The following C12orf76 variants were observed in gnomAD, a reference collection of about 807,000 sequenced individuals.
C12orf76 encodes the protein uncharacterized protein C12orf76.
In C12orf76, 6 loss-of-function variants were observed where a neutral mutation model predicts 6.8. The observed-to-expected ratio is 0.88, with a 90% confidence interval of 0.48 to 1.73. C12orf76 has a LOEUF of 1.73. Ranked by LOEUF, C12orf76 falls within the 40% of genes most tolerant of loss-of-function variation. C12orf76 has a pLI of 0.01. For missense variants in C12orf76, 99 were observed against 98.2 expected (o/e 1.01, Z -0.03); for synonymous variants, 56 against 43.7 (o/e 1.28, Z -1.11).
chr12:110,049,217 A>G (rs776514750), upstream of C12orf76: 2 of 152,212 alleles, frequency 1.3e-5, no homozygotes, highest in Non-Finnish European at 2.9e-5. Flanking sequence ...TTTAAGAAGA[A>G]ACAACAAGGA....
chr12:110,059,127 G>A, exon 3 of C12orf76: 1 of 1,549,290 alleles, frequency 6.5e-7, no homozygotes, highest in South Asian at 1.2e-5. Context: ...ATGGTAAATG[G>A]AATTATTTTT....
At chr12:110,073,396 T>C (rs748034209) in intron 1 of C12orf76, 1 of 517,222 alleles carries the variant, frequency 1.9e-6, no homozygotes, top group Non-Finnish European at 3.9e-6. Flanking sequence ...TGCAGAGATC[T>C]GGGGTCCTCC....
chr12:110,064,091 T>C (rs569422516), intron 2 of C12orf76, among the ~76,000 whole-genome samples: 2 of 152,116 alleles, frequency 1.3e-5, no homozygotes, highest in South Asian at 4.2e-4. Flanking sequence ...CCTCATTCCA[T>C]AGGGGAGCTA....
At chr12:110,046,202 C>T (rs1252584656) in intron 1 of C12orf76, among the ~76,000 whole-genome samples, 2 of 151,946 alleles carry the variant, frequency 1.3e-5, no homozygotes, top group Non-Finnish European at 2.9e-5. Context: ...CCACAGTGGG[C>T]AGTTCATGAG....
intron 4 of C12orf76, chr12:110,056,787 TA>T (rs1892675944): frequency 5.4e-6 from 1 of 184,324 alleles, no homozygotes; most frequent in Non-Finnish European, 1.1e-5. Flanking sequence ...GATGGTTTTA[TA>T]AGAGGTTTCC....
chr12:110,052,297 C>T (rs10849686), upstream of C12orf76, among the ~76,000 whole-genome samples: 42,984 of 151,378 alleles, frequency 0.28, 9,299 homozygotes, highest in African/African-American at 0.61. Context: ...CAGCTCAAGT[C>T]GATCCTCCCA....
At position 110,042,453 on chromosome 12, in the gene C12orf76, A is replaced by G; in HGVS notation, c.140T>C (p.Met47Thr). ...CAGCAGGATGCTGAAAATGGTTCCC[A>G]TCAACACTGCAAAGGGAAAACAGGT... Reference protein sequence around the residue: ...AVLRGQNLVLMGTIFSILLVT... With the variant: ...AVLRGQNLVLTGTIFSILLVT... Residue 47 changes from methionine to threonine, a missense_variant, in exon 2 of 2, where the codon ATG becomes ACG. Coordinates refer to ENST00000615315, the MANE Select transcript of C12orf76 (RefSeq NM_001389625.1). 1 of 1,611,004 alleles carries G rather than the reference A, an allele frequency of 6.2e-7. No homozygotes were observed. The highest frequency in any genetic ancestry group is 8.5e-7 in the Non-Finnish European group (1 of 1,177,102).
chr12:110,059,859 G>A (rs1362394997), intron 2 of C12orf76, among the ~76,000 whole-genome samples: 1 of 152,154 alleles, frequency 6.6e-6, no homozygotes, highest in Non-Finnish European at 1.5e-5. Context: ...GCAAAACTAA[G>A]CAAAGGTGAA....
upstream of C12orf76, among the ~76,000 whole-genome samples, chr12:110,071,665 G>GTCA (rs900619327): frequency 4.6e-5 from 7 of 152,016 alleles, no homozygotes; most frequent in Admixed American, 6.6e-5. Context: ...AGTATAGGTT[G>GTCA]TCATCATCAT....
upstream of C12orf76, among the ~76,000 whole-genome samples, chr12:110,052,099 T>C (rs1275661785): frequency 2.7e-5 from 4 of 150,414 alleles, no homozygotes; most frequent in South Asian, 8.4e-4. Flanking sequence ...GGTTTCACCG[T>C]ATTGGCTATG....
upstream of C12orf76, among the ~76,000 whole-genome samples, chr12:110,051,493 C>T (rs561961193): frequency 6.6e-6 from 1 of 150,528 alleles, no homozygotes; most frequent in Non-Finnish European, 1.5e-5. Flanking sequence ...GTGGTGTGAT[C>T]TCGGCTCACT....
At chr12:110,063,568 G>C (rs1398254632) in intron 2 of C12orf76, among the ~76,000 whole-genome samples, 1 of 151,466 alleles carries the variant, frequency 6.6e-6, no homozygotes, top group African/African-American at 2.4e-5. Context: ...GGGATTACAG[G>C]TATAAGCCAC....
At position 110,063,407 on chromosome 12, in the gene C12orf76, C is replaced by T. The variant is rs550382321; in HGVS notation, n.380+2453G>A. Among the ~76,000 whole-genome samples, 39 of 151,270 alleles carry T rather than the reference C, an allele frequency of 2.6e-4. 1 individual carries two copies. In the South Asian group the frequency reaches 3.1e-3, roughly 12 times the overall value. On this transcript the variant is annotated intron_variant and non_coding_transcript_variant, in intron 2 of 4. Coordinates refer to the C12orf76 transcript ENST00000309050. The stretch of plus-strand genomic sequence containing the variant: ...CAAGCGATTTTCCTGCCTCAGCCTC[C>T]GAGTAGCTGGGATTACAGGTGCCTA...
intron 2 of C12orf76, among the ~76,000 whole-genome samples, chr12:110,062,125 G>A (rs1005080379): frequency 1.1e-4 from 16 of 152,008 alleles, no homozygotes; most frequent in African/African-American, 2.2e-4. Context: ...TTAGCTGGGC[G>A]TGGTGGCGCA....
upstream of C12orf76, chr12:110,049,932 C>G (rs1892547981): frequency 6.6e-6 from 1 of 152,214 alleles, no homozygotes; most frequent in Non-Finnish European, 1.5e-5. Flanking sequence ...TTGCTCAAAT[C>G]AATCACGACC....
chr12:110,051,583 C>T (rs1892577309), upstream of C12orf76, among the ~76,000 whole-genome samples: 1 of 152,056 alleles, frequency 6.6e-6, no homozygotes, highest in Admixed American at 6.6e-5. Context: ...CACGCCACCA[C>T]ACCAGGCTAA....
exon 1 of C12orf76, chr12:110,067,667 C>T: frequency 5.7e-6 from 4 of 700,998 alleles, no homozygotes; most frequent in Non-Finnish European, 7.0e-6. Flanking sequence ...TGAGCCACTG[C>T]ACCCGGCCGG....
upstream of C12orf76, among the ~76,000 whole-genome samples, chr12:110,071,998 C>A (rs565738340): frequency 6.6e-6 from 1 of 152,252 alleles, no homozygotes; most frequent in South Asian, 2.1e-4. Context: ...CCACATAAAA[C>A]CTTGTTCGCA....
chr12:110,047,535 C>A (rs1451067380), intron 1 of C12orf76, among the ~76,000 whole-genome samples: 1 of 152,022 alleles, frequency 6.6e-6, no homozygotes, highest in Non-Finnish European at 1.5e-5. Flanking sequence ...ACAAAATGAG[C>A]CAGGTGTGGT....
Sources: gnomAD v4.1 joint callset for allele counts (sites outside exome capture counted in the v4.1 genomes callset) on GRCh38, gnomAD v4.1.1 for gene constraint, MANE v1.5 for transcripts, NCBI Gene and HGNC (gene_info 2026-07-23, HGNC 2026-07-21) for gene names.